Variants in MYO1H observed in about 807,000 individuals in gnomAD.
The protein encoded by MYO1H is myosin IH.
MYO1H carries 118 observed loss-of-function variants against 149.3 expected under a neutral mutation model. That is an observed-to-expected ratio of 0.79 (90% confidence interval 0.68 to 0.92). The LOEUF is 0.92. MYO1H is among the 40% of genes least tolerant of loss of function. The probability of loss-of-function intolerance (pLI) is 0.00; values close to 1 mark genes in which losing one functional copy is unlikely to be tolerated. For missense variants in MYO1H, 1,212 were observed against 1,280.7 expected, an observed-to-expected ratio of 0.95 and a Z score of 0.82; for synonymous variants, 447 against 465.2, an observed-to-expected ratio of 0.96 and a Z score of 0.50.
At position 109,407,918 on chromosome 12, in the gene MYO1H, G is replaced by T. The variant is rs1478100038; in HGVS notation, c.1155+5G>T. ...AATTCCTCCTTAGTTAACAAGGTTG[G>T]TCAACGCATTTTGGATCCCTTGCTC... On this transcript the variant is annotated splice_donor_5th_base_variant and intron_variant, in intron 10 of 31. Coordinates refer to ENST00000310903, the Ensembl canonical transcript of MYO1H. 4 of 1,613,868 alleles carry T rather than the reference G, an allele frequency of 2.5e-6. No individual in the cohort carries two copies. Among genetic ancestry groups the T allele is most frequent in the Non-Finnish European group, 3.4e-6 (4 of 1,179,874 alleles).
intron 15 of MYO1H, among the ~76,000 whole-genome samples, chr12:109,419,099 C>A (rs1440671418): frequency 6.6e-6 from 1 of 152,192 alleles, no homozygotes; most frequent in Non-Finnish European, 1.5e-5. Context: ...CTCTCAGTGT[C>A]TCCTTTGGGG....
intron 30 of MYO1H, 132 bp from the exon 31 acceptor site, chr12:109,445,381 T>A: frequency 1.4e-6 from 1 of 712,204 alleles, no homozygotes; most frequent in Non-Finnish European, 2.3e-6. Flanking sequence ...AAATATGCAA[T>A]AAAACACTGT....
chr12:109,422,645 C>T (rs1871223335), intron 16 of MYO1H, among the ~76,000 whole-genome samples: 1 of 152,224 alleles, frequency 6.6e-6, no homozygotes, highest in Non-Finnish European at 1.5e-5. Flanking sequence ...CCCACCAGGG[C>T]TGAAGCTCCC....
chr12:109,440,904 C>G (rs1363034407), intron 25 of MYO1H, 77 bp downstream of exon 25: 6 of 1,056,112 alleles, frequency 5.7e-6, no homozygotes, highest in Non-Finnish European at 8.6e-6. Context: ...TCCTCCTCAT[C>G]CACCATTTCA....
intron 1 of MYO1H, among the ~76,000 whole-genome samples, chr12:109,384,833 C>A (rs1005357861): frequency 2.6e-5 from 4 of 152,186 alleles, no homozygotes; most frequent in African/African-American, 9.7e-5. Flanking sequence ...ATCTCTGCAT[C>A]CTCCACCTGC....
At chr12:109,328,888 C>T in the MYO1H span, among the ~76,000 whole-genome samples, 5 of 152,160 alleles carry the variant, frequency 3.3e-5, no homozygotes, top group Non-Finnish European at 7.3e-5. Context: ...CTAATTAACA[C>T]ATTCTTGAAA....
chr12:109,393,097 C>T (rs527885350), intron 2 of MYO1H, among the ~76,000 whole-genome samples: 2 of 152,202 alleles, frequency 1.3e-5, no homozygotes, highest in African/African-American at 4.8e-5. Flanking sequence ...CATGATCCAC[C>T]GCGCCCGGCC....
the MYO1H span, among the ~76,000 whole-genome samples, chr12:109,316,607 TTGCA>T: frequency 3.3e-5 from 5 of 152,208 alleles, no homozygotes; most frequent in African/African-American, 4.8e-5. Flanking sequence ...TAGTGTGAAA[TTGCA>T]GATTAATCCC....
At chr12:109,446,715 G>A (rs181650174) in intron 31 of MYO1H, among the ~76,000 whole-genome samples, 2 of 152,284 alleles carry the variant, frequency 1.3e-5, no homozygotes, top group East Asian at 3.9e-4. Context: ...AGTGAGCTGA[G>A]ATCGCACCAC....
the MYO1H span, among the ~76,000 whole-genome samples, chr12:109,333,086 G>A: frequency 2.0e-5 from 3 of 152,308 alleles, no homozygotes; most frequent in East Asian, 5.8e-4. Flanking sequence ...TTGGGAGGCT[G>A]AGGTGGGTGG....
chr12:109,355,274 G>T (rs193213397), intron 1 of MYO1H, among the ~76,000 whole-genome samples: 1 of 151,980 alleles, frequency 6.6e-6, no homozygotes, highest in Non-Finnish European at 1.5e-5. Context: ...TTCTCCTTAC[G>T]TGCAATCTTC....
chr12:109,439,881 G>T, intron 24 of MYO1H, 91 bp downstream of exon 24: 1 of 1,158,780 alleles, frequency 8.6e-7, no homozygotes, highest in Non-Finnish European at 1.2e-6. Context: ...CCTCCCTTTG[G>T]CTTGAAAGGG....
chr12:109,333,290 AG>A, the MYO1H span, among the ~76,000 whole-genome samples: 14 of 152,088 alleles, frequency 9.2e-5, no homozygotes, highest in Non-Finnish European at 1.9e-4. Flanking sequence ...ATCGCACTCT[AG>A]CCTTGGAGAC....
At chr12:109,431,230 A>G (rs1204538710) in intron 19 of MYO1H, among the ~76,000 whole-genome samples, 2 of 151,086 alleles carry the variant, frequency 1.3e-5, no homozygotes, top group African/African-American at 2.4e-5. Context: ...AATACAAAAA[A>G]TTAGCCAGGT....
intron 31 of MYO1H, 106 bp from the exon 32 acceptor site, chr12:109,447,053 C>T (rs1457795388): frequency 8.6e-7 from 1 of 1,157,044 alleles, no homozygotes; most frequent in African/African-American, 1.5e-5. Context: ...TTCTCACAGG[C>T]CCTCCACACC....
At chr12:109,349,481 A>G (rs1868406391) in intron 1 of MYO1H, among the ~76,000 whole-genome samples, 1 of 135,146 alleles carries the variant, frequency 7.4e-6, no homozygotes, top group African/African-American at 3.0e-5. Flanking sequence ...TGAGCAACAT[A>G]GTGTGACCCC....
At chr12:109,417,154 G>C (rs1870947832) in intron 15 of MYO1H, among the ~76,000 whole-genome samples, 2 of 152,148 alleles carry the variant, frequency 1.3e-5, no homozygotes, top group Non-Finnish European at 2.9e-5. Flanking sequence ...CTGGGTGACA[G>C]AGCAAGACTT....
chr12:109,365,295 A>C (rs983135797), intron 1 of MYO1H, among the ~76,000 whole-genome samples: 2 of 152,164 alleles, frequency 1.3e-5, no homozygotes, highest in Admixed American at 1.3e-4. Flanking sequence ...ATAAATAAAC[A>C]AGGTAATCTT....
At chr12:109,361,625 G>A (rs576002698) in intron 1 of MYO1H, among the ~76,000 whole-genome samples, 11 of 151,894 alleles carry the variant, frequency 7.2e-5, no homozygotes, top group Non-Finnish European at 1.3e-4. Flanking sequence ...GGCCAACATG[G>A]CAAAACCCTG....
Sources: gnomAD v4.1 joint callset for allele counts (sites outside exome capture counted in the v4.1 genomes callset) on GRCh38, gnomAD v4.1.1 for gene constraint, MANE v1.5 for transcripts, NCBI Gene and HGNC (gene_info 2026-07-23, HGNC 2026-07-21) for gene names.